Variants in MAGI3 observed in about 807,000 individuals in gnomAD.
MAGI3 encodes the protein membrane associated guanylate kinase, WW and PDZ domain containing 3.
In MAGI3, 43 loss-of-function variants were observed where a neutral mutation model predicts 121.8. The observed-to-expected ratio is 0.35, with a 90% CI of 0.28 to 0.46. MAGI3 has a LOEUF of 0.46. Among genes scored for constraint, MAGI3 ranks in the 20% least tolerant of loss-of-function variants. The pLI, the probability that MAGI3 is intolerant of heterozygous loss-of-function variation, is 1.00. For synonymous variants in MAGI3, 553 were observed against 639.3 expected (o/e 0.86, Z 2.04); for missense variants, 1,547 against 1,797.3 (o/e 0.86, Z 2.52).
At chr1:113,477,451 G>C (rs1655887534) in intron 1 of MAGI3, among the ~76,000 whole-genome samples, 1 of 152,164 alleles carries the variant, frequency 6.6e-6, no homozygotes, top group South Asian at 2.1e-4. Flanking sequence ...GCATTTGCTT[G>C]TCTGTATAGG....
At chr1:113,571,107 A>T (rs945192950) in intron 2 of MAGI3, among the ~76,000 whole-genome samples, 1 of 152,210 alleles carries the variant, frequency 6.6e-6, no homozygotes, top group East Asian at 1.9e-4. Context: ...AGTTTTCTGC[A>T]TATGGCTAGC....
intron 9 of MAGI3, among the ~76,000 whole-genome samples, chr1:113,637,665 T>A (rs1652130380): frequency 1.3e-5 from 2 of 151,860 alleles, no homozygotes; most frequent in South Asian, 4.1e-4. Context: ...CCTTAACATT[T>A]TTTCCTTCAT....
chr1:113,513,547 A>G (rs1437915452), intron 1 of MAGI3, among the ~76,000 whole-genome samples: 2 of 152,132 alleles, frequency 1.3e-5, no homozygotes, highest in Non-Finnish European at 2.9e-5. Context: ...TATTTAATAA[A>G]TGGTGTTGGG....
intron 1 of MAGI3, among the ~76,000 whole-genome samples, chr1:113,423,294 C>T (rs1443174636): frequency 2.8e-5 from 4 of 144,024 alleles, no homozygotes; most frequent in South Asian, 2.4e-4. Context: ...GTTTTTGAGA[C>T]GTAGTCTCGC....
intron 1 of MAGI3, among the ~76,000 whole-genome samples, chr1:113,547,548 A>G (rs931662143): frequency 1.2e-4 from 18 of 152,246 alleles, no homozygotes; most frequent in African/African-American, 4.3e-4. Context: ...ACAACTATAT[A>G]GCGATCTACG....
chr1:113,541,594 T>C (rs892397011), intron 1 of MAGI3, among the ~76,000 whole-genome samples: 9 of 152,308 alleles, frequency 5.9e-5, no homozygotes, highest in African/African-American at 2.2e-4. Context: ...TAGAGAAATG[T>C]GTAGATATAA....
chr1:113,488,274 T>C (rs1656492981), intron 1 of MAGI3, among the ~76,000 whole-genome samples: 1 of 152,352 alleles, frequency 6.6e-6, no homozygotes, highest in African/African-American at 2.4e-5. Flanking sequence ...CAGGAACATC[T>C]GTAGTGGTGC....
At chr1:113,585,324 G>A in intron 3 of MAGI3, 63 bp from the exon 4 acceptor site, 1 of 1,480,842 alleles carries the variant, frequency 6.8e-7, no homozygotes, top group South Asian at 1.2e-5. Flanking sequence ...CATACACTAG[G>A]TCAAATTGCT....
At chr1:113,671,471 T>A (rs916688685) in intron 16 of MAGI3, among the ~76,000 whole-genome samples, 7 of 152,178 alleles carry the variant, frequency 4.6e-5, no homozygotes, top group African/African-American at 1.7e-4. Context: ...GAATTTTATG[T>A]TATATGGATG....
intron 1 of MAGI3, among the ~76,000 whole-genome samples, chr1:113,402,728 C>T (rs111247956): frequency 2.0e-5 from 3 of 152,156 alleles, no homozygotes; most frequent in South Asian, 2.1e-4. Context: ...GCTCACTGTC[C>T]TCAAGCTTGT....
At chr1:113,679,284 T>A (rs1288680464) in intron 19 of MAGI3, among the ~76,000 whole-genome samples, 1 of 152,138 alleles carries the variant, frequency 6.6e-6, no homozygotes, top group African/African-American at 2.4e-5. Flanking sequence ...TTCCCGTGTC[T>A]GTTGTTCTCA....
chr1:113,474,445 G>A (rs957485213), intron 1 of MAGI3, among the ~76,000 whole-genome samples: 1 of 152,172 alleles, frequency 6.6e-6, no homozygotes, highest in African/African-American at 2.4e-5. Context: ...TTTGTATAAG[G>A]TGTAAGGAAG....
intron 1 of MAGI3, among the ~76,000 whole-genome samples, chr1:113,394,229 C>T (rs1300928523): frequency 6.6e-6 from 1 of 152,040 alleles, no homozygotes; most frequent in Admixed American, 6.6e-5. Context: ...TTGAAAGTTA[C>T]TCTTTAAAAT....
chr1:113,456,043 C>T (rs1458534011), intron 1 of MAGI3, among the ~76,000 whole-genome samples: 28 of 151,618 alleles, frequency 1.8e-4, no homozygotes, highest in African/African-American at 2.4e-4. Flanking sequence ...CTCTGCCTCC[C>T]GGGTTCACGC....
intron 4 of MAGI3, 120 bp downstream of exon 4, chr1:113,585,716 T>A: frequency 1.2e-6 from 1 of 843,930 alleles, no homozygotes; most frequent in Non-Finnish European, 1.8e-6. Context: ...GGATTTTAAT[T>A]TTTTTGTAAA....
At chr1:113,444,253 T>C (rs1019230684) in intron 1 of MAGI3, among the ~76,000 whole-genome samples, 19 of 152,218 alleles carry the variant, frequency 1.2e-4, no homozygotes, top group Admixed American at 7.9e-4. Context: ...ATATTGGGGA[T>C]CTGTGCTCTG....
chr1:113,416,284 T>TATTAATTACGTA (rs1395037235), intron 1 of MAGI3, among the ~76,000 whole-genome samples: 1 of 27,864 alleles, frequency 3.6e-5, no homozygotes, highest in Non-Finnish European at 5.6e-5. Flanking sequence ...TAATTACACA[T>TATTAATTACGTA]ATTAATTATG....
chr1:113,482,265 C>G (rs1656147828), intron 1 of MAGI3, among the ~76,000 whole-genome samples: 1 of 151,836 alleles, frequency 6.6e-6, no homozygotes, highest in South Asian at 2.1e-4. Context: ...TCTTAGTTTC[C>G]CTTTTATACA....
intron 19 of MAGI3, among the ~76,000 whole-genome samples, chr1:113,678,739 C>G (rs973811390): frequency 6.6e-6 from 1 of 152,078 alleles, no homozygotes; most frequent in Non-Finnish European, 1.5e-5. Flanking sequence ...TAATATTATC[C>G]TCATTTAACA....
Sources: gnomAD v4.1 joint callset for allele counts (sites outside exome capture counted in the v4.1 genomes callset) on GRCh38, gnomAD v4.1.1 for gene constraint, MANE v1.5 for transcripts, NCBI Gene and HGNC (gene_info 2026-07-23, HGNC 2026-07-21) for gene names.